Variants in RAG1 observed in about 807,000 individuals in gnomAD.
RAG1 encodes recombination activating 1, also known as V(D)J recombination-activating protein 1.
Under a neutral mutation model 62.7 loss-of-function variants are expected in RAG1, and 35 were observed. The observed-to-expected ratio is 0.56, with a 90% CI of 0.43 to 0.74. The LOEUF is 0.74. Ranked by LOEUF, RAG1 falls within the 30% of genes least tolerant of loss-of-function variation. RAG1 has a pLI of 0.00. For synonymous variants in RAG1, 461 were observed against 470.3 expected (o/e 0.98, Z 0.26); for missense variants, 1,169 against 1,278.6 (o/e 0.91, Z 1.31).
intron 3 of RAG1, among the ~76,000 whole-genome samples, chr11:36,541,707 G>A (rs537208920): frequency 3.3e-5 from 5 of 152,140 alleles, no homozygotes; most frequent in African/African-American, 7.2e-5. Flanking sequence ...GCCCTCACCC[G>A]AACCAAAAGT....
At chr11:36,535,671 G>C (rs1051953749) in intron 2 of RAG1, among the ~76,000 whole-genome samples, 1 of 152,068 alleles carries the variant, frequency 6.6e-6, no homozygotes, top group Non-Finnish European at 1.5e-5. Flanking sequence ...CTTGAACCTG[G>C]GAGGTGGATG....
At chr11:36,549,862 A>T (rs1195686672) in intron 3 of RAG1, among the ~76,000 whole-genome samples, 2 of 152,210 alleles carry the variant, frequency 1.3e-5, no homozygotes, top group East Asian at 1.9e-4. Context: ...CTTGGAACCA[A>T]CCCAAAAGCC....
downstream of RAG1, among the ~76,000 whole-genome samples, chr11:36,539,733 C>T (rs1860386902): frequency 6.6e-6 from 1 of 152,194 alleles, no homozygotes; most frequent in South Asian, 2.1e-4. Context: ...CCACCTCGGC[C>T]TCCCAAAATA....
At chr11:36,547,232 A>G (rs1029204083) in intron 3 of RAG1, among the ~76,000 whole-genome samples, 2 of 152,178 alleles carry the variant, frequency 1.3e-5, no homozygotes, top group African/African-American at 2.4e-5. Context: ...GAGAAGCAAG[A>G]ACAAACAAAT....
At chr11:36,539,487 T>C (rs1860381777), downstream of RAG1, among the ~76,000 whole-genome samples, 1 of 152,178 alleles carries the variant, frequency 6.6e-6, no homozygotes. Context: ...CAGTTTTTTT[T>C]GTTTTTAGTT....
intron 3 of RAG1, among the ~76,000 whole-genome samples, chr11:36,551,667 T>A: frequency 6.8e-6 from 1 of 146,292 alleles, no homozygotes; most frequent in Non-Finnish European, 1.5e-5. Context: ...GCAGGTTAGT[T>A]ACATATGTAT....
chr11:36,523,724 C>A (rs751678019), intron 2 of RAG1, among the ~76,000 whole-genome samples: 1 of 152,100 alleles, frequency 6.6e-6, no homozygotes, highest in African/African-American at 2.4e-5. Flanking sequence ...CATTTGCTGG[C>A]CATTGCATAA....
At chr11:36,545,386 T>C (rs1276459341) in intron 3 of RAG1, among the ~76,000 whole-genome samples, 1 of 152,040 alleles carries the variant, frequency 6.6e-6, no homozygotes, top group Non-Finnish European at 1.5e-5. Flanking sequence ...GTCACATTTG[T>C]AAGAAGAGAA....
intron 3 of RAG1, among the ~76,000 whole-genome samples, chr11:36,546,007 C>G (rs756889628): frequency 6.6e-6 from 1 of 152,106 alleles, no homozygotes; most frequent in East Asian, 1.9e-4. Flanking sequence ...TGTTTTACTA[C>G]CAATTATGTG....
chr11:36,558,593 A>C (rs1459998462), intron 3 of RAG1, among the ~76,000 whole-genome samples: 1 of 152,174 alleles, frequency 6.6e-6, no homozygotes, highest in African/African-American at 2.4e-5. Context: ...ACTCCTGCTT[A>C]CTTTTGGTTT....
chr11:36,536,112 A>T (rs1029288738), downstream of RAG1: 1 of 152,344 alleles, frequency 6.6e-6, no homozygotes, highest in African/African-American at 2.4e-5. Context: ...AGAAATATAA[A>T]TGGATGGAAG....
At chr11:36,568,923 A>G (rs538971202) in intron 1 of RAG1, among the ~76,000 whole-genome samples, 1 of 152,326 alleles carries the variant, frequency 6.6e-6, no homozygotes, top group South Asian at 2.1e-4. Context: ...TTTTTGATAC[A>G]TGATGTTTGG....
intron 3 of RAG1, among the ~76,000 whole-genome samples, chr11:36,559,662 C>T (rs186761217): frequency 1.3e-5 from 2 of 152,104 alleles, no homozygotes; most frequent in Admixed American, 1.3e-4. Context: ...GTTGTTGAAG[C>T]TGTTGATTAT....
At chr11:36,561,516 T>G (rs1436737170) in intron 3 of RAG1, among the ~76,000 whole-genome samples, 1 of 152,232 alleles carries the variant, frequency 6.6e-6, no homozygotes, top group Non-Finnish European at 1.5e-5. Flanking sequence ...TAAACATTAT[T>G]CCTCGGTGTG....
chr11:36,550,855 C>A (rs1350885026), intron 3 of RAG1, among the ~76,000 whole-genome samples: 7 of 152,088 alleles, frequency 4.6e-5, no homozygotes, highest in African/African-American at 1.7e-4. Flanking sequence ...TCATATCAAT[C>A]CCACAGAAGT....
intron 3 of RAG1, among the ~76,000 whole-genome samples, chr11:36,541,286 T>C (rs1860413853): frequency 1.3e-5 from 2 of 152,230 alleles, no homozygotes; most frequent in African/African-American, 4.8e-5. Context: ...AATGACTCGT[T>C]ACACACACAG....
At position 36,574,142 on chromosome 11, in the gene RAG1, G is replaced by T; in HGVS notation, c.838G>T (p.Ala280Ser). Residue 280 changes from alanine (A) to serine (S), a missense_variant, in exon 2 of 2, where the codon GCA (alanine) becomes TCA (serine). By Grantham distance (99) the Ala-to-Ser change is moderately conservative. Transcript: ENST00000299440. ...SKIHLSTKLLAVDFPEHFVKS... is the reference protein window; with the variant it reads ...SKIHLSTKLLSVDFPEHFVKS... ...GATACATCTTAGTACCAAGCTCCTT[G>T]CAGTGGACTTCCCAGAGCACTTTGT... The T allele has an allele frequency of 6.2e-7, 1 of 1,614,198 alleles. No homozygotes were observed. The highest frequency in any genetic ancestry group is 8.5e-7 in the Non-Finnish European group (1 of 1,180,050).
chr11:36,536,981 A>G (rs1296684181), downstream of RAG1, among the ~76,000 whole-genome samples: 1 of 149,270 alleles, frequency 6.7e-6, no homozygotes, highest in Non-Finnish European at 1.5e-5. Context: ...GATGGTCTCG[A>G]TCTCCTGACC....
At chr11:36,528,039 A>G (rs547404941) in intron 2 of RAG1, among the ~76,000 whole-genome samples, 1 of 152,224 alleles carries the variant, frequency 6.6e-6, no homozygotes, top group South Asian at 2.1e-4. Context: ...CTCCCACACA[A>G]TAATAGTGGG....
Sources: gnomAD v4.1 joint callset for allele counts (sites outside exome capture counted in the v4.1 genomes callset) on GRCh38, gnomAD v4.1.1 for gene constraint, MANE v1.5 for transcripts, NCBI Gene and HGNC (gene_info 2026-07-23, HGNC 2026-07-21) for gene names.